The following GSK3B variants were observed in gnomAD, a reference collection of about 807,000 sequenced individuals.
GSK3B encodes glycogen synthase kinase 3 beta.
In GSK3B, 15 loss-of-function variants were observed where a neutral mutation model predicts 56.4. That is an observed-to-expected ratio of 0.27 (90% confidence interval 0.18 to 0.41). The LOEUF (loss-of-function observed/expected upper bound fraction) is 0.41, where lower values mean the gene tolerates loss of function less well. Among genes scored for constraint, GSK3B ranks in the 10% least tolerant of loss-of-function variants. The pLI, the probability that GSK3B is intolerant of heterozygous loss-of-function variation, is 1.00. For missense variants in GSK3B, 300 were observed against 513.4 expected, an observed-to-expected ratio of 0.58 and a Z score of 4.02; for synonymous variants, 181 against 188.9, an observed-to-expected ratio of 0.96 and a Z score of 0.34.
At chr3:119,935,533 C>T (rs1350581596) in intron 3 of GSK3B, among the ~76,000 whole-genome samples, 4 of 152,176 alleles carry the variant, frequency 2.6e-5, no homozygotes, top group African/African-American at 9.6e-5. Flanking sequence ...ACTACCCCAA[C>T]TTTATATACC....
At chr3:120,017,361 T>C (rs1043036630) in intron 1 of GSK3B, among the ~76,000 whole-genome samples, 1 of 152,222 alleles carries the variant, frequency 6.6e-6, no homozygotes, top group African/African-American at 2.4e-5. Flanking sequence ...TAATCTTTAG[T>C]GACAGTAATA....
chr3:120,089,633 TAC>T (rs1423642758), intron 1 of GSK3B, among the ~76,000 whole-genome samples: 3 of 152,314 alleles, frequency 2.0e-5, no homozygotes, highest in Middle Eastern at 3.4e-3. Flanking sequence ...ACTTAAGTGA[TAC>T]AGACTTATTT....
chr3:120,028,860 C>T (rs112998498), intron 1 of GSK3B: 209 of 443,586 alleles, frequency 4.7e-4, no homozygotes, highest in African/African-American at 3.8e-3. Context: ...GCTGCTCAGA[C>T]GCAGGTTTGG....
intron 6 of GSK3B, 32 bp from the exon 7 acceptor site, chr3:119,905,884 T>C (rs201958846): frequency 7.7e-6 from 9 of 1,171,662 alleles, no homozygotes; most frequent in African/African-American, 4.5e-5. Context: ...GCCTTATTAA[T>C]ACTTCATAGC....
chr3:119,967,775 CTCTT>C (rs1032559003), intron 2 of GSK3B, among the ~76,000 whole-genome samples: 2 of 138,866 alleles, frequency 1.4e-5, no homozygotes, highest in African/African-American at 5.3e-5. Flanking sequence ...TCTTTTCTTT[CTCTT>C]TCTTTTCTCT....
chr3:119,939,327 T>A (rs1210974257), intron 3 of GSK3B, among the ~76,000 whole-genome samples: 2 of 152,150 alleles, frequency 1.3e-5, no homozygotes. Context: ...ACGATATAGA[T>A]GTTCAAAGAC....
At chr3:120,093,305 G>C (rs1344712340) in intron 1 of GSK3B, 42 bp downstream of exon 1, 5 of 1,262,218 alleles carry the variant, frequency 4.0e-6, no homozygotes, top group Non-Finnish European at 5.8e-6. Flanking sequence ...CTTATTTTAA[G>C]GGCGAGGTGG....
intron 10 of GSK3B, among the ~76,000 whole-genome samples, chr3:119,836,790 G>C (rs1559801988): frequency 6.6e-6 from 1 of 152,154 alleles, no homozygotes; most frequent in Non-Finnish European, 1.5e-5. Context: ...GTAATCTCTA[G>C]GAAACCCAGC....
At chr3:119,883,965 T>C (rs984855708) in intron 7 of GSK3B, among the ~76,000 whole-genome samples, 3 of 152,112 alleles carry the variant, frequency 2.0e-5, no homozygotes, top group Non-Finnish European at 1.5e-5. Context: ...ACATTAGATA[T>C]ATTACTTAGA....
At chr3:120,043,571 TGA>T (rs2058080254) in intron 1 of GSK3B, among the ~76,000 whole-genome samples, 1 of 152,008 alleles carries the variant, frequency 6.6e-6, no homozygotes. Context: ...CACCCCAAAT[TGA>T]GAGATATGTT....
intron 1 of GSK3B, among the ~76,000 whole-genome samples, chr3:120,076,956 TGA>T (rs1232794792): frequency 2.6e-5 from 4 of 151,482 alleles, no homozygotes; most frequent in African/African-American, 4.8e-5. Context: ...AAAACCATGA[TGA>T]GATACCACCT....
At chr3:119,924,497 A>G (rs1295715055) in intron 3 of GSK3B, among the ~76,000 whole-genome samples, 1 of 152,204 alleles carries the variant, frequency 6.6e-6, no homozygotes, top group Non-Finnish European at 1.5e-5. Flanking sequence ...AAAAGTATAA[A>G]AGAGATGACA....
chr3:119,889,825 A>T (rs2056481873), intron 7 of GSK3B, among the ~76,000 whole-genome samples: 1 of 151,308 alleles, frequency 6.6e-6, no homozygotes, highest in South Asian at 2.1e-4. Flanking sequence ...AAACACATAG[A>T]GTAAAAGTAA....
chr3:119,926,328 CCACACA>C (rs146771538), intron 3 of GSK3B, among the ~76,000 whole-genome samples: 16 of 146,906 alleles, frequency 1.1e-4, no homozygotes, highest in East Asian at 1.0e-3. Flanking sequence ...TCTTACACTT[CCACACA>C]CACACACACA....
At chr3:119,908,982 CAAAA>C (rs34185024) in intron 6 of GSK3B, among the ~76,000 whole-genome samples, 2 of 152,072 alleles carry the variant, frequency 1.3e-5, no homozygotes, top group Non-Finnish European at 2.9e-5. Context: ...ATCAAAAAGA[CAAAA>C]AAACTGTCAC....
At chr3:120,063,768 A>G (rs1049937210) in intron 1 of GSK3B, among the ~76,000 whole-genome samples, 1 of 150,922 alleles carries the variant, frequency 6.6e-6, no homozygotes. Flanking sequence ...TTGGGAGGCC[A>G]AGGTGGGCAG....
rs926643615 is a variant in GSK3B, at chr3:119,915,996, G to C, written c.608+48C>G. 9 of 1,321,486 alleles carry C rather than the reference G, an allele frequency of 6.8e-6. No individual in the cohort carries two copies. In the Admixed American group the frequency reaches 1.4e-4, roughly 21 times the overall value. The allele number at this position is 1,321,486 out of a possible 1,614,324, so 81.9% of individuals were successfully genotyped here. The stretch of plus-strand genomic sequence containing the variant: ...GAATATATTTAAAAGAAGATAGTAG[G>C]GGGAGGAGGGGAAAAGGGAAGGGGC... On this transcript the variant is annotated intron_variant, in intron 5 of 10. Coordinates refer to ENST00000264235, the MANE Select transcript of GSK3B (RefSeq NM_001146156.2).
chr3:120,045,975 T>C (rs1183690768), intron 1 of GSK3B, among the ~76,000 whole-genome samples: 2 of 152,022 alleles, frequency 1.3e-5, no homozygotes, highest in Non-Finnish European at 2.9e-5. Context: ...AAGAACCACG[T>C]CTAAAAAGGC....
intron 2 of GSK3B, among the ~76,000 whole-genome samples, chr3:119,948,567 CAAAT>C (rs1195658413): frequency 1.3e-5 from 2 of 152,168 alleles, no homozygotes; most frequent in East Asian, 3.8e-4. Flanking sequence ...ATTACTTTAA[CAAAT>C]AACTAACAAA....
Sources: allele counts gnomAD v4.1 joint callset (sites outside exome capture counted in the v4.1 genomes callset), GRCh38; gene constraint gnomAD v4.1.1; transcripts MANE v1.5; gene names NCBI Gene and HGNC (gene_info 2026-07-23, HGNC 2026-07-21).